The following F13A1 variants were observed in gnomAD, a reference collection of about 807,000 sequenced individuals.
F13A1 encodes coagulation factor XIII A chain.
F13A1 carries 47 observed loss-of-function variants against 80.1 expected under a neutral mutation model. The ratio of observed to expected loss-of-function variants is 0.59; its 90% CI spans 0.46 to 0.75. F13A1 has a LOEUF of 0.75. F13A1 is among the 30% of genes least tolerant of loss of function. The probability of loss-of-function intolerance (pLI) is 0.00; values close to 1 mark genes in which losing one functional copy is unlikely to be tolerated. For synonymous variants in F13A1, 349 were observed against 344.9 expected (o/e 1.01, Z -0.13); for missense variants, 817 against 930.4 (o/e 0.88, Z 1.59).
At chr6:6,235,607 A>C (rs554898508) in intron 6 of F13A1, among the ~76,000 whole-genome samples, 1 of 152,178 alleles carries the variant, frequency 6.6e-6, no homozygotes, top group South Asian at 2.1e-4. Context: ...TCTATTTAAA[A>C]GTCTAAGATT....
At chr6:6,315,640 A>G (rs1038677976) in intron 2 of F13A1, among the ~76,000 whole-genome samples, 4 of 152,178 alleles carry the variant, frequency 2.6e-5, no homozygotes, top group African/African-American at 9.7e-5. Context: ...CTGCTACAGA[A>G]CTATTAGAAA....
Position 6,181,976 on chromosome 6 carries a change from G to A in F13A1, c.1459+12C>T. The A allele has an allele frequency of 6.2e-7, 1 of 1,613,868 alleles. No homozygotes were observed. The highest frequency in any genetic ancestry group is 1.7e-4 in the Middle Eastern group (1 of 6,050). ...TGGGCAAATAAATCTTCATTCAGTG[G>A]TAGTAAATTACCTTCTTGGAATTTG... On this transcript the variant is annotated intron_variant, in intron 11 of 14. Coordinates refer to ENST00000264870, the MANE Select transcript of F13A1 (RefSeq NM_000129.4).
At chr6:6,262,733 A>C (rs1038203310) in intron 4 of F13A1, among the ~76,000 whole-genome samples, 2 of 151,450 alleles carry the variant, frequency 1.3e-5, no homozygotes, top group Non-Finnish European at 2.9e-5. Flanking sequence ...AAGGAGTCAC[A>C]AAATGGCAAT....
Position 6,284,142 on chromosome 6 carries a change from A to AT in F13A1, c.320-17334dup, listed in dbSNP as rs201615546. 6.9e-3 allele frequency among the ~76,000 whole-genome samples: 1,050 copies of AT among 152,164 alleles called. 4 individuals carry two copies. Among genetic ancestry groups the AT allele is most frequent in the Middle Eastern group, 0.017 (5 of 294 alleles). On this transcript the variant is annotated intron_variant, in intron 3 of 14. Coordinates refer to ENST00000264870, the MANE Select transcript of F13A1 (RefSeq NM_000129.4). ...TGCGCCTTCAGTAATTAGGACTGTGATTTTTTTTCCTGAAATTTTGTCTTG... is the reference window on the plus strand; with the variant it reads ...TGCGCCTTCAGTAATTAGGACTGTGATTTTTTTTTCCTGAAATTTTGTCTTG...
chr6:6,269,377 G>C (rs750624932), intron 3 of F13A1, among the ~76,000 whole-genome samples: 36 of 152,012 alleles, frequency 2.4e-4, no homozygotes, highest in Admixed American at 9.8e-4. Context: ...ATTAGGATGG[G>C]TTTACCAATT....
In F13A1 at chr6:6,315,566, G is replaced by A. The variant is rs187657328; in HGVS notation, c.130+2969C>T. The stretch of plus-strand genomic sequence containing the variant: ...GTTACCAAAGCCATGACTTAAGGGC[G>A]TTATATACACTCAGTATACCTTAGA... On this transcript the variant is annotated intron_variant, in intron 2 of 14. Coordinates refer to ENST00000264870, the MANE Select transcript of F13A1 (RefSeq NM_000129.4). 1.9e-4 allele frequency among the ~76,000 whole-genome samples: 29 copies of A among 152,192 alleles called. 1 individual carries two copies. Among genetic ancestry groups the A allele is most frequent in the South Asian group, 6.2e-4 (3 of 4,818 alleles).
At chr6:6,171,663 AT>A (rs1448748531) in intron 12 of F13A1, among the ~76,000 whole-genome samples, 1 of 152,200 alleles carries the variant, frequency 6.6e-6, no homozygotes, top group Non-Finnish European at 1.5e-5. Flanking sequence ...CCTAAGTTAG[AT>A]TATGCCACAT....
chr6:6,244,700 T>C (rs1387144682), intron 6 of F13A1, among the ~76,000 whole-genome samples: 1 of 152,166 alleles, frequency 6.6e-6, no homozygotes, highest in Non-Finnish European at 1.5e-5. Flanking sequence ...TTGCTGCCAA[T>C]GTGGTTTGAG....
rs571469539 is a variant in F13A1, at chr6:6,158,473, A to G, written c.1909-6524T>C. 6.6e-5 allele frequency among the ~76,000 whole-genome samples: 10 copies of G among 152,308 alleles called. No individual in the cohort carries two copies. In the South Asian group the frequency reaches 1.0e-3, roughly 16 times the overall value. On this transcript the variant is annotated intron_variant, in intron 13 of 14. Transcript: ENST00000264870. The stretch of plus-strand genomic sequence containing the variant: ...AAAGGGAGAACATGTTGCCAGGGTG[A>G]CCCTGAGAACCTCCTCACCTATAGG...
chr6:6,247,090 G>C (rs1757563445), intron 6 of F13A1, among the ~76,000 whole-genome samples: 1 of 152,098 alleles, frequency 6.6e-6, no homozygotes, highest in African/African-American at 2.4e-5. Context: ...AAATGCATAG[G>C]AAACAAAACT....
At chr6:6,271,300 A>T (rs1757917028) in intron 3 of F13A1, among the ~76,000 whole-genome samples, 1 of 152,186 alleles carries the variant, frequency 6.6e-6, no homozygotes, top group South Asian at 2.1e-4. Flanking sequence ...AAGTTGTGAC[A>T]GAGTAGTATT....
intron 11 of F13A1, 134 bp from the exon 12 acceptor site, chr6:6,175,001 G>T: frequency 9.3e-7 from 1 of 1,075,074 alleles, no homozygotes. Flanking sequence ...CCAGGAGGAG[G>T]GTGCCGTCAT....
At chr6:6,271,424 C>T (rs1362501256) in intron 3 of F13A1, among the ~76,000 whole-genome samples, 1 of 152,190 alleles carries the variant, frequency 6.6e-6, no homozygotes, top group African/African-American at 2.4e-5. Flanking sequence ...CATCAGCTAT[C>T]CTTGGCCCAA....
chr6:6,182,274 T>C, intron 10 of F13A1, 133 bp from the exon 11 acceptor site: 2 of 909,228 alleles, frequency 2.2e-6, no homozygotes, highest in Non-Finnish European at 3.5e-6. Context: ...ATTGGATTCG[T>C]ATCATAGGGC....
chr6:6,319,567 A>G (rs1758741487), intron 1 of F13A1, among the ~76,000 whole-genome samples: 1 of 152,178 alleles, frequency 6.6e-6, no homozygotes, highest in South Asian at 2.1e-4. Flanking sequence ...GACCAAATGA[A>G]GGGGGACTTT....
chr6:6,221,951 A>G, intron 8 of F13A1, 82 bp downstream of exon 8: 1 of 1,501,648 alleles, frequency 6.7e-7, no homozygotes. Flanking sequence ...GAACAGAAAC[A>G]TCAGATTGAG....
At chr6:6,263,905 T>C (rs1234477439) in intron 4 of F13A1, among the ~76,000 whole-genome samples, 1 of 152,232 alleles carries the variant, frequency 6.6e-6, no homozygotes, top group African/African-American at 2.4e-5. Flanking sequence ...GGTACCACCA[T>C]GTTTAGTTTA....
rs1246303694 is a variant in F13A1, at chr6:6,162,696, C to T, written c.1908+4762G>A. ...ACATATGTAGGTGTGCACTGTGACTCGGGCATCCAATGACTCATAAAAAAC... is the reference window on the plus strand; with the variant it reads ...ACATATGTAGGTGTGCACTGTGACTTGGGCATCCAATGACTCATAAAAAAC... On this transcript the variant is annotated intron_variant, in intron 13 of 14. Transcript: ENST00000264870. The surrounding 1 kb of genome is among the most constrained non-coding windows in gnomAD (Gnocchi z 4.2). 2.6e-5 allele frequency among the ~76,000 whole-genome samples: 4 copies of T among 152,166 alleles called. No individual in the cohort carries two copies. The highest frequency in any genetic ancestry group is 1.9e-4 in the East Asian group (1 of 5,198).
rs549506526 is a variant in F13A1 at position 6,297,908 on chromosome 6, C to T, written c.319+7443G>A. Among the ~76,000 whole-genome samples the T allele has an allele frequency of 2.3e-3, 342 of 150,048 alleles. 6 individuals are homozygous for T. The highest frequency in any genetic ancestry group is 3.6e-3 in the Non-Finnish European group (242 of 67,996). On this transcript the variant is annotated intron_variant, in intron 3 of 14. Transcript: ENST00000264870. ...TTAGTGCTATAAATTTCCCTCTACA[C>T]ACTGCTTTGAATGCGTCCCTGAGAT... is the stretch of plus-strand genomic sequence containing the variant.
Sources: gnomAD v4.1 joint callset for allele counts (sites outside exome capture counted in the v4.1 genomes callset) on GRCh38, gnomAD v4.1.1 for gene constraint, Gnocchi (gnomAD v3.1) non-coding constraint, MANE v1.5 for transcripts, NCBI Gene and HGNC (gene_info 2026-07-23, HGNC 2026-07-21) for gene names.